The following FTCDNL1 variants were observed in gnomAD, a reference collection of about 807,000 sequenced individuals.
The protein encoded by FTCDNL1 is formiminotransferase N-terminal subdomain-containing protein.
In FTCDNL1, 11 loss-of-function variants were observed where a neutral mutation model predicts 5.9. The observed-to-expected ratio is 1.87, with a 90% CI of 1.18 to 3.10. The LOEUF is 3.10. Among genes scored for constraint, FTCDNL1 ranks in the 30% most tolerant of loss-of-function variants. The probability of loss-of-function intolerance (pLI) is 0.00; values close to 1 mark genes in which losing one functional copy is unlikely to be tolerated. For missense variants in FTCDNL1, 115 were observed against 65.5 expected (o/e 1.76, Z -2.61); for synonymous variants, 58 against 24.8 (o/e 2.34, Z -3.99).
In FTCDNL1 at chr2:199,812,435, G is replaced by T. The variant is rs551071494; in HGVS notation, c.*270C>A. 34 of 376,816 alleles carry T rather than the reference G, an allele frequency of 9.0e-5. No individual in the cohort carries two copies. In the South Asian group the frequency reaches 1.7e-3, roughly 19 times the overall value. The allele number at this position is 376,816 out of a possible 1,614,324, so 23.3% of individuals were successfully genotyped here. A position where few individuals can be genotyped will look rare whatever the true frequency, so the allele number is the denominator to read the frequency against. On this transcript the variant is annotated 3_prime_UTR_variant, in exon 5 of 5. Coordinates refer to ENST00000420128, the MANE Select transcript of FTCDNL1 (RefSeq NM_001363886.2). The stretch of plus-strand genomic sequence containing the variant: ...TTGACCTTATTTAAATGCTGAATTT[G>T]ATTTTTTATGTTAATTTAAACCTAC...
chr2:199,777,250 G>A (rs562286653), intron 3 of FTCDNL1, among the ~76,000 whole-genome samples: 29 of 152,012 alleles, frequency 1.9e-4, no homozygotes, highest in African/African-American at 6.5e-4. Context: ...CCAAGATCGC[G>A]TTGCTGTACT....
intron 4 of FTCDNL1, among the ~76,000 whole-genome samples, chr2:199,815,688 A>C (rs1405698692): frequency 6.6e-6 from 1 of 152,210 alleles, no homozygotes; most frequent in African/African-American, 2.4e-5. Flanking sequence ...CTACTTCAGT[A>C]GATATTGCTT....
intron 3 of FTCDNL1, among the ~76,000 whole-genome samples, chr2:199,840,773 T>A (rs1201740089): frequency 1.3e-5 from 2 of 151,938 alleles, no homozygotes; most frequent in Non-Finnish European, 2.9e-5. Context: ...TTTAGCTACA[T>A]GCCTGTATCA....
chr2:199,849,018 T>G, intron 1 of FTCDNL1, 49 bp from the exon 2 acceptor site: 1 of 677,760 alleles, frequency 1.5e-6, no homozygotes, highest in Non-Finnish European at 2.7e-6. Context: ...GATTCATATT[T>G]TCATGTTTTA....
chr2:199,795,275 C>A (rs1700117322), intron 3 of FTCDNL1, among the ~76,000 whole-genome samples: 1 of 152,138 alleles, frequency 6.6e-6, no homozygotes. Context: ...TAGGCTAGAT[C>A]AGACGTGATG....
At chr2:199,745,732 T>C in the FTCDNL1 span, among the ~76,000 whole-genome samples, 1 of 152,234 alleles carries the variant, frequency 6.6e-6, no homozygotes, top group South Asian at 2.1e-4. Flanking sequence ...TGATTTCTTA[T>C]AACTCCATTG....
At chr2:199,825,137 CA>C (rs564018681) in intron 3 of FTCDNL1, among the ~76,000 whole-genome samples, 1,677 of 84,350 alleles carry the variant, frequency 0.02, 16 homozygotes, top group Middle Eastern at 0.028. Flanking sequence ...GACCCTGTCT[CA>C]AAAAAAAAAA....
the FTCDNL1 span, among the ~76,000 whole-genome samples, chr2:199,703,970 A>G: frequency 3.9e-5 from 6 of 152,258 alleles, no homozygotes; most frequent in East Asian, 5.8e-4. Context: ...CCCTTCTCCT[A>G]AGAACACTGC....
chr2:199,838,511 A>G (rs77234387), intron 3 of FTCDNL1, among the ~76,000 whole-genome samples: 9 of 152,226 alleles, frequency 5.9e-5, no homozygotes, highest in Non-Finnish European at 1.3e-4. Flanking sequence ...ATCGCACTGG[A>G]AGCTGCAGAG....
chr2:199,804,949 C>G (rs1397436617), downstream of FTCDNL1, among the ~76,000 whole-genome samples: 1 of 152,200 alleles, frequency 6.6e-6, no homozygotes, highest in Non-Finnish European at 1.5e-5. Flanking sequence ...CAGCAGGGGT[C>G]CTCAGAGCCT....
the FTCDNL1 span, among the ~76,000 whole-genome samples, chr2:199,728,321 C>A: frequency 6.6e-6 from 1 of 151,476 alleles, no homozygotes; most frequent in Non-Finnish European, 1.5e-5. Context: ...AATCTTGGCT[C>A]ACTGCAACCT....
chr2:199,834,855 G>C (rs1244217765), intron 3 of FTCDNL1, among the ~76,000 whole-genome samples: 1 of 152,106 alleles, frequency 6.6e-6, no homozygotes, highest in Admixed American at 6.5e-5. Context: ...TTTGTGCAAT[G>C]CTTTCCCAAA....
downstream of FTCDNL1, among the ~76,000 whole-genome samples, chr2:199,758,344 G>T (rs1698140640): frequency 6.6e-6 from 1 of 151,716 alleles, no homozygotes; most frequent in African/African-American, 2.4e-5. Context: ...ACACACTCAG[G>T]GTATGGATAT....
chr2:199,725,324 G>A, the FTCDNL1 span, among the ~76,000 whole-genome samples: 91,014 of 152,008 alleles, frequency 0.6, 30,628 homozygotes, highest in Non-Finnish European at 0.75. Flanking sequence ...AATGGGTCTT[G>A]ACTCTAATTT....
chr2:199,824,542 T>C (rs966538833), intron 3 of FTCDNL1, among the ~76,000 whole-genome samples: 2 of 152,236 alleles, frequency 1.3e-5, no homozygotes, highest in Non-Finnish European at 2.9e-5. Flanking sequence ...TATTGACCTA[T>C]CTCAGCTTTC....
At chr2:199,680,588 G>C in the FTCDNL1 span, among the ~76,000 whole-genome samples, 2 of 152,144 alleles carry the variant, frequency 1.3e-5, no homozygotes, top group Admixed American at 6.5e-5. Flanking sequence ...TGCTCCTGGA[G>C]GCAGATGTAG....
At chr2:199,744,649 G>A in the FTCDNL1 span, among the ~76,000 whole-genome samples, 1 of 152,188 alleles carries the variant, frequency 6.6e-6, no homozygotes, top group Non-Finnish European at 1.5e-5. Context: ...TGTTATGGCA[G>A]CCAGAGCCGG....
chr2:199,671,536 G>T, the FTCDNL1 span, among the ~76,000 whole-genome samples: 1 of 152,120 alleles, frequency 6.6e-6, no homozygotes, highest in African/African-American at 2.4e-5. Context: ...ATAAGAACCT[G>T]AAGTTTGACA....
At chr2:199,835,841 C>A (rs1338875187) in intron 3 of FTCDNL1, among the ~76,000 whole-genome samples, 1 of 152,146 alleles carries the variant, frequency 6.6e-6, no homozygotes, top group African/African-American at 2.4e-5. Flanking sequence ...TTGTAGATAT[C>A]TACTGAAAAT....
Sources: gnomAD v4.1 joint callset for allele counts (sites outside exome capture counted in the v4.1 genomes callset) on GRCh38, gnomAD v4.1.1 for gene constraint, MANE v1.5 for transcripts, NCBI Gene and HGNC (gene_info 2026-07-23, HGNC 2026-07-21) for gene names.